The following NEK1 variants were observed in gnomAD, a reference collection of about 807,000 sequenced individuals.
NEK1 encodes the protein serine/threonine-protein kinase Nek1.
In NEK1, 137 loss-of-function variants were observed where a neutral mutation model predicts 182.1. That is an observed-to-expected ratio of 0.75 (90% CI 0.65 to 0.87). The LOEUF (loss-of-function observed/expected upper bound fraction) is 0.87. Among genes scored for constraint, NEK1 ranks in the 40% least tolerant of loss-of-function variants. NEK1 has a pLI of 0.00. For synonymous variants in NEK1, 513 were observed against 492.2 expected, an observed-to-expected ratio of 1.04 and a Z score of -0.56; for missense variants, 1,391 against 1,494.4, an observed-to-expected ratio of 0.93 and a Z score of 1.14.
rs748009791 is a variant in NEK1, at chr4:169,479,519, C to T, written c.2023G>A (p.Val675Ile). Residue 675 changes from valine to isoleucine, a missense_variant, in exon 24 of 36, where the codon GTT (valine) becomes ATT (isoleucine). By Grantham distance (29) the Val-to-Ile change is conservative. Around this residue, in one of 5 missense-constraint regions of NEK1, gnomAD observed 1,216 missense variants for 1,277.6 expected, o/e 0.95. Transcript: ENST00000507142. ...GGTGGAGAAACATCAGAACTCTTAACTCCTTTAGCCACCAACTATAAAAAA... is the reference window on the plus strand; with the variant it reads ...GGTGGAGAAACATCAGAACTCTTAATTCCTTTAGCCACCAACTATAAAAAA... ...VWEEHLVAKG[V>I]KSSDVSPPLG... is the part of the protein sequence containing the mutation. The T allele has an allele frequency of 9.4e-6, 15 of 1,599,578 alleles. 1 individual carries two copies. Among genetic ancestry groups the T allele is most frequent in the Admixed American group, 1.8e-5 (1 of 56,474 alleles).
intron 18 of NEK1, among the ~76,000 whole-genome samples, chr4:169,550,759 T>C (rs1475325111): frequency 6.6e-6 from 1 of 152,200 alleles, no homozygotes; most frequent in Admixed American, 6.5e-5. Context: ...GCATAACTAA[T>C]GCCCAAATGA....
At chr4:169,549,394 T>C (rs11725103) in intron 18 of NEK1, among the ~76,000 whole-genome samples, 13,452 of 152,198 alleles carry the variant, frequency 0.088, 776 homozygotes, top group African/African-American at 0.16. Context: ...ACCAGAGCTG[T>C]TCCTATTCGG....
chr4:169,560,709 G>A (rs1396242873), intron 16 of NEK1, among the ~76,000 whole-genome samples: 1 of 151,296 alleles, frequency 6.6e-6, no homozygotes, highest in African/African-American at 2.4e-5. Context: ...CAGACTGGCA[G>A]AACAAAGAAA....
At chr4:169,464,693 T>C (rs922960803) in intron 26 of NEK1, among the ~76,000 whole-genome samples, 1 of 151,902 alleles carries the variant, frequency 6.6e-6, no homozygotes, top group Non-Finnish European at 1.5e-5. Flanking sequence ...GGGGGGAATA[T>C]AAAAATAGAA....
At chr4:169,441,706 G>A (rs55941710) in intron 27 of NEK1, among the ~76,000 whole-genome samples, 2,011 of 151,834 alleles carry the variant, frequency 0.013, 42 homozygotes, top group African/African-American at 0.046. Flanking sequence ...GCTAGTGCCT[G>A]TATAAGCTTT....
intron 32 of NEK1, among the ~76,000 whole-genome samples, chr4:169,405,258 G>A (rs1732397214): frequency 6.6e-6 from 1 of 152,148 alleles, no homozygotes; most frequent in Non-Finnish European, 1.5e-5. Flanking sequence ...TTACTCCTAA[G>A]CTACAAACCT....
At chr4:169,498,361 T>C (rs1751762894) in intron 23 of NEK1, among the ~76,000 whole-genome samples, 2 of 152,226 alleles carry the variant, frequency 1.3e-5, no homozygotes, top group Admixed American at 6.5e-5. Flanking sequence ...TTTATCCAAT[T>C]TGCCAGTCTG....
At chr4:169,487,664 T>C (rs1020665317) in intron 23 of NEK1, among the ~76,000 whole-genome samples, 3 of 152,174 alleles carry the variant, frequency 2.0e-5, no homozygotes, top group African/African-American at 7.2e-5. Context: ...TTTATATATT[T>C]TGGGGTATAT....
intron 23 of NEK1, among the ~76,000 whole-genome samples, chr4:169,484,359 C>T (rs1043767705): frequency 2.0e-5 from 3 of 152,166 alleles, no homozygotes; most frequent in Non-Finnish European, 2.9e-5. Context: ...TATTTCGATA[C>T]ATCAATCTGA....
intron 23 of NEK1, among the ~76,000 whole-genome samples, chr4:169,493,278 G>A (rs1028348015): frequency 2.6e-5 from 4 of 151,780 alleles, no homozygotes; most frequent in Admixed American, 6.6e-5. Context: ...CACCTTCAAG[G>A]GGAAAAAAAA....
At chr4:169,547,608 A>G (rs534018564) in intron 18 of NEK1, among the ~76,000 whole-genome samples, 92 of 152,270 alleles carry the variant, frequency 6.0e-4, no homozygotes, top group African/African-American at 2.1e-3. Context: ...TTTCAGGTAC[A>G]CCAAACAAAT....
At chr4:169,593,383 T>G (rs926937658) in intron 5 of NEK1, among the ~76,000 whole-genome samples, 5 of 152,208 alleles carry the variant, frequency 3.3e-5, no homozygotes, top group Non-Finnish European at 7.3e-5. Flanking sequence ...CCATTGTTTA[T>G]TGATCCATAT....
intron 23 of NEK1, among the ~76,000 whole-genome samples, chr4:169,485,885 C>G (rs1465282853): frequency 6.6e-6 from 1 of 151,830 alleles, no homozygotes; most frequent in Non-Finnish European, 1.5e-5. Context: ...ATTTGTACAA[C>G]AAATAAGAAC....
At chr4:169,587,532 G>GA (rs1340513256) in intron 9 of NEK1, 27 bp downstream of exon 9, 1 of 1,277,994 alleles carries the variant, frequency 7.8e-7, no homozygotes, top group African/African-American at 1.5e-5. Flanking sequence ...ACATAACTTT[G>GA]AAAGTATTTC....
Position 169,394,281 on chromosome 4 carries a change from T to C in NEK1, c.*229A>G, listed in dbSNP as rs1381326384. 8 of 399,620 alleles carry C rather than the reference T, an allele frequency of 2.0e-5. No homozygotes were observed. The highest frequency in any genetic ancestry group is 9.5e-5 in the Admixed American group (2 of 20,944). 24.8% of individuals were successfully genotyped at this position (399,620 alleles called of 1,614,324 possible). ...TTTGGTTGGATGATTTAATAAAGTA[T>C]ATATTTTATGAGATTTAACCATGGA... On this transcript the variant is annotated 3_prime_UTR_variant, in exon 36 of 36. Transcript: ENST00000507142.
intron 27 of NEK1, among the ~76,000 whole-genome samples, chr4:169,444,231 A>G (rs1224153722): frequency 6.6e-6 from 1 of 152,178 alleles, no homozygotes; most frequent in Non-Finnish European, 1.5e-5. Flanking sequence ...CAAAACATCC[A>G]AAAACCAATT....
chr4:169,497,832 G>A (rs925659315), intron 23 of NEK1, among the ~76,000 whole-genome samples: 3 of 152,148 alleles, frequency 2.0e-5, no homozygotes, highest in Admixed American at 6.6e-5. Flanking sequence ...CAACTATGTG[G>A]TCAATTTTGA....
intron 19 of NEK1, among the ~76,000 whole-genome samples, chr4:169,512,146 G>A (rs140918572): frequency 5.9e-5 from 9 of 152,196 alleles, no homozygotes; most frequent in Non-Finnish European, 1.0e-4. Context: ...GAATGAAATC[G>A]CTGGTTCTTG....
chr4:169,561,782 T>C, intron 14 of NEK1, 45 bp from the exon 15 acceptor site: 1 of 1,600,672 alleles, frequency 6.2e-7, no homozygotes, highest in Non-Finnish European at 8.5e-7. Context: ...CTTGAACCTA[T>C]TATCACTTAA....
Sources: allele counts gnomAD v4.1 joint callset (sites outside exome capture counted in the v4.1 genomes callset), GRCh38; gene constraint gnomAD v4.1.1; regional missense constraint gnomAD v4.1.1; transcripts MANE v1.5; gene names NCBI Gene and HGNC (gene_info 2026-07-23, HGNC 2026-07-21).